Variants in NTN5 observed in about 807,000 individuals in gnomAD.
NTN5 encodes the protein netrin-5.
Under a neutral mutation model 38.7 loss-of-function variants are expected in NTN5, and 42 were observed. The ratio of observed to expected loss-of-function variants is 1.08; its 90% CI spans 0.85 to 1.40. NTN5 has a LOEUF of 1.40. NTN5 is among the 40% of genes most tolerant of loss of function. NTN5 has a pLI of 0.00. For synonymous variants in NTN5, 329 were observed against 303.9 expected (o/e 1.08, Z -0.86); for missense variants, 658 against 716.5 (o/e 0.92, Z 0.93).
Position 48,670,550 on chromosome 19 carries a change from G to A in NTN5, c.437C>T (p.Ala146Val), listed in dbSNP as rs112130065. The change falls in exon 2 of 7, where the codon GCC becomes GTC. Residue 146 changes from alanine to valine, a missense_variant. Ala to Val is a moderately conservative substitution (Grantham distance 64). Transcript: ENST00000270235. ...TCTCAGCCCAGCTGCCGCTAGCCCGGCCTGGCCCCCAAACTCCACACGGAG... is the reference window on the plus strand; with the variant it reads ...TCTCAGCCCAGCTGCCGCTAGCCCGACCTGGCCCCCAAACTCCACACGGAG... ...SHLRVEFGGQ[A>V]GLAAAGLRGR... 27 of 1,520,632 alleles carry A rather than the reference G, an allele frequency of 1.8e-5. No individual in the cohort carries two copies. Among genetic ancestry groups the A allele is most frequent in the African/African-American group, 1.4e-4 (10 of 72,436 alleles). The allele number at this position is 1,520,632 out of a possible 1,614,324, so 94.2% of individuals were successfully genotyped here. A position where few individuals can be genotyped will look rare whatever the true frequency, so the allele number is the denominator to read the frequency against.
chr19:48,661,686 C>A lies in NTN5; in HGVS notation c.1461G>T (p.Pro487=). Residue 487 remains proline, a synonymous_variant, in exon 7 of 7, where the codon CCG becomes CCT. Transcript: ENST00000270235. ...GVRAPTPSPR[P]EH ...CAGCCCCATCTCACGTCTAGTGCTC[C>A]GGCCTGGGACTGGGTGTGGGTGCCC... The A allele has an allele frequency of 6.4e-7, 1 of 1,550,506 alleles. No homozygotes were observed. Among genetic ancestry groups the A allele is most frequent in the Non-Finnish European group, 8.6e-7 (1 of 1,159,020 alleles).
intron 5 of NTN5, 99 bp downstream of exon 5, chr19:48,663,662 G>A: frequency 6.7e-7 from 1 of 1,500,030 alleles, no homozygotes; most frequent in Non-Finnish European, 9.3e-7. Flanking sequence ...CTTTGGGACT[G>A]GGCTCAATGG....
chr19:48,661,709 C>T lies in NTN5; in HGVS notation c.1438G>A (p.Ala480Thr), dbSNP rs768446257. 3.2e-6 allele frequency: 5 copies of T among 1,557,096 alleles called. No homozygotes were observed. Among genetic ancestry groups the T allele is most frequent in the East Asian group, 2.5e-5 (1 of 39,824 alleles). ...TCCGGCCTGGGACTGGGTGTGGGTG[C>T]CCGCACGCCGCGGCAGCCTCCGGCG... is the stretch of plus-strand genomic sequence containing the variant. ...ERAGGCRGVR[A>T]PTPSPRPEH The change falls in exon 7 of 7, where the codon GCA becomes ACA. Residue 480 changes from alanine (A) to threonine (T), a missense_variant. Transcript: ENST00000270235.
At chr19:48,668,260 G>A (rs1328333464) in intron 2 of NTN5, among the ~76,000 whole-genome samples, 1 of 152,186 alleles carries the variant, frequency 6.6e-6, no homozygotes, top group African/African-American at 2.4e-5. Context: ...CTCTCTTTGA[G>A]CCTCACCTTC....
chr19:48,664,491 A>G (rs1482508950), intron 3 of NTN5, 88 bp downstream of exon 3: 5 of 1,304,782 alleles, frequency 3.8e-6, no homozygotes, highest in Non-Finnish European at 4.1e-6. Flanking sequence ...CAGATCCAGG[A>G]ATCCAGGCCC....
intron 2 of NTN5, among the ~76,000 whole-genome samples, chr19:48,666,406 A>T (rs1349501981): frequency 5.3e-5 from 8 of 152,108 alleles, no homozygotes; most frequent in Non-Finnish European, 1.0e-4. Flanking sequence ...ATAGTGGCCC[A>T]CACCTGTAAG....
At chr19:48,669,947 AC>A (rs2031899219) in intron 2 of NTN5, among the ~76,000 whole-genome samples, 2 of 54,882 alleles carry the variant, frequency 3.6e-5, no homozygotes, top group East Asian at 3.5e-4. Context: ...CATCACCATC[AC>A]CACCACCATC....
chr19:48,669,136 T>TC (rs2031793169), intron 2 of NTN5, among the ~76,000 whole-genome samples: 1 of 44,306 alleles, frequency 2.3e-5, no homozygotes, highest in African/African-American at 9.2e-5. Context: ...ACCATCATCA[T>TC]ATCACCATCA....
intron 2 of NTN5, among the ~76,000 whole-genome samples, chr19:48,666,807 C>T (rs73944850): frequency 0.012 from 1,758 of 150,770 alleles, 37 homozygotes; most frequent in African/African-American, 0.041. Context: ...CCTCAGCCTC[C>T]TCGGTAGCTG....
chr19:48,671,043 G>GCC (rs2031950356), intron 1 of NTN5, 37 bp from the exon 2 acceptor site: 1 of 1,428,834 alleles, frequency 7.0e-7, no homozygotes, highest in Non-Finnish European at 9.3e-7. Context: ...GGGGATCTCA[G>GCC]CCGCAGCCTC....
chr19:48,669,124 C>G (rs1344506388), intron 2 of NTN5, among the ~76,000 whole-genome samples: 1 of 130,380 alleles, frequency 7.7e-6, no homozygotes, highest in East Asian at 2.3e-4. Flanking sequence ...ATCACCACCA[C>G]CACCATCATC....
rs776896369 is a variant in NTN5, at chr19:48,670,659, C to T, written c.328G>A (p.Ala110Thr). ...GGGCCCCCTAAGGCCCCAGGCCAGG[C>T]GGGCCTGTGCCACAGCAGCCTCCAG... ...GPWRLLWHRP[A>T]WPGALGGPER... The change falls in exon 2 of 7, where the codon GCC becomes ACC. Residue 110 changes from alanine (A) to threonine (T), a missense_variant. Physicochemically the swap from Ala to Thr is moderately conservative, Grantham distance 58. Transcript: ENST00000270235. 16 of 1,605,734 alleles carry T rather than the reference C, an allele frequency of 1.0e-5. No individual in the cohort carries two copies. The highest frequency in any genetic ancestry group is 6.7e-5 in the African/African-American group (5 of 74,812).
intron 2 of NTN5, among the ~76,000 whole-genome samples, chr19:48,665,542 C>T (rs989194757): frequency 3.3e-5 from 5 of 149,680 alleles, no homozygotes; most frequent in East Asian, 2.0e-4. Context: ...AGGCTGCATC[C>T]AGGCACGATG....
chr19:48,669,191 A>C (rs1241188098), intron 2 of NTN5, among the ~76,000 whole-genome samples: 1 of 35,022 alleles, frequency 2.9e-5, no homozygotes, highest in Admixed American at 2.1e-4. Flanking sequence ...GACCACCATC[A>C]TCACCACCAT....
chr19:48,667,020 C>T (rs952199214), intron 2 of NTN5, among the ~76,000 whole-genome samples: 8 of 152,104 alleles, frequency 5.3e-5, no homozygotes, highest in Non-Finnish European at 7.4e-5. Context: ...GGAGCTCAGA[C>T]GGCTGCATGT....
Position 48,670,531 on chromosome 19 carries a change from C to T in NTN5, c.456G>A (p.Gly152=). ...CATGACACTGGCAGCGGCCTCTCAGCCCAGCTGCCGCTAGCCCGGCCTGGC... is the reference window on the plus strand; with the variant it reads ...CATGACACTGGCAGCGGCCTCTCAGTCCAGCTGCCGCTAGCCCGGCCTGGC... ...FGGQAGLAAA[G]LRGRCQCHGH... The change falls in exon 2 of 7, where the codon GGG becomes GGA. Residue 152 remains glycine (G), a synonymous_variant. Transcript: ENST00000270235. 2.0e-6 allele frequency: 3 copies of T among 1,497,278 alleles called. No homozygotes were observed. The highest frequency in any genetic ancestry group is 2.7e-6 in the Non-Finnish European group (3 of 1,120,866). 92.7% of individuals were successfully genotyped at this position (1,497,278 alleles called of 1,614,324 possible).
rs1242833166 is a variant in NTN5 at position 48,661,657 on chromosome 19, G to A, written c.*20C>T. 4 of 1,517,280 alleles carry A rather than the reference G, an allele frequency of 2.6e-6. No individual in the cohort carries two copies. The highest frequency in any genetic ancestry group is 2.1e-5 in the Admixed American group (1 of 46,954). 94.0% of individuals were successfully genotyped at this position (1,517,280 alleles called of 1,614,324 possible). On this transcript the variant is annotated 3_prime_UTR_variant, in exon 7 of 7. Coordinates refer to ENST00000270235, the MANE Select transcript of NTN5 (RefSeq NM_145807.4). ...CTCCCAAATTACTTTGTTGGTGCTC[G>A]AGGCAGCCCCATCTCACGTCTAGTG...
chr19:48,672,741 G>T (rs779071032), intron 1 of NTN5, among the ~76,000 whole-genome samples, 191 bp downstream of exon 1: 2 of 152,088 alleles, frequency 1.3e-5, no homozygotes, highest in Non-Finnish European at 2.9e-5. Context: ...GTTCCTGGGG[G>T]ATCCAGAAAC....
intron 2 of NTN5, among the ~76,000 whole-genome samples, chr19:48,668,030 G>A (rs1568451186): frequency 6.6e-6 from 1 of 152,148 alleles, no homozygotes; most frequent in Non-Finnish European, 1.5e-5. Flanking sequence ...AGGGGGTCAG[G>A]GCCGGAAGGA....
Sources: allele counts gnomAD v4.1 joint callset (sites outside exome capture counted in the v4.1 genomes callset), GRCh38; gene constraint gnomAD v4.1.1; transcripts MANE v1.5; gene names NCBI Gene and HGNC (gene_info 2026-07-23, HGNC 2026-07-21).